ARHGAP6: variants seen among roughly 807,000 people sequenced by gnomAD.
ARHGAP6 encodes the protein rho GTPase-activating protein 6.
A neutral mutation model predicts 55.7 loss-of-function variants in ARHGAP6; 16 were observed. The observed-to-expected ratio is 0.29, with a 90% confidence interval of 0.19 to 0.44. The LOEUF is 0.44. ARHGAP6 is among the 20% of genes least tolerant of loss of function. The pLI is 1.00. For synonymous variants in ARHGAP6, 382 were observed against 360.9 expected, an observed-to-expected ratio of 1.06 and a Z score of -0.66; for missense variants, 698 against 808.9, an observed-to-expected ratio of 0.86 and a Z score of 1.66.
intron 1 of ARHGAP6, among the ~76,000 whole-genome samples, chrX:11,275,180 T>G (rs1256074146): frequency 1.8e-5 from 2 of 112,014 alleles, no homozygotes; most frequent in Non-Finnish European, 3.8e-5. Context: ...TGTGTATCTA[T>G]ATGTATCTCT....
At chrX:11,491,506 T>G (rs1195274519) in intron 1 of ARHGAP6, among the ~76,000 whole-genome samples, 1 of 111,548 alleles carries the variant, frequency 9.0e-6, no homozygotes, top group Non-Finnish European at 1.9e-5. Flanking sequence ...GAATGATGAT[T>G]TCCAATTTCA....
At chrX:11,182,173 G>A in intron 5 of ARHGAP6, 55 bp from the exon 6 acceptor site, 2 of 1,064,983 alleles carry the variant, frequency 1.9e-6, no homozygotes, top group East Asian at 3.1e-5. Context: ...AGACCCTGGA[G>A]GAAATCAAAA....
intron 1 of ARHGAP6, among the ~76,000 whole-genome samples, chrX:11,319,953 A>G (rs771624489): frequency 5.3e-4 from 59 of 111,959 alleles, no homozygotes; most frequent in African/African-American, 1.6e-3. Flanking sequence ...GCTGGGGGGG[A>G]AAATATCACA....
At chrX:11,258,068 C>T (rs899426716) in intron 1 of ARHGAP6, among the ~76,000 whole-genome samples, 1 of 111,360 alleles carries the variant, frequency 9.0e-6, no homozygotes, top group Non-Finnish European at 1.9e-5. Flanking sequence ...CAATGCAAAC[C>T]AGATTAGATT....
chrX:11,442,079 G>A (rs1477720386), intron 1 of ARHGAP6, among the ~76,000 whole-genome samples: 4 of 111,254 alleles, frequency 3.6e-5, no homozygotes, highest in Non-Finnish European at 7.5e-5. Flanking sequence ...TGAATATCTA[G>A]CTTTACAGTT....
intron 1 of ARHGAP6, among the ~76,000 whole-genome samples, chrX:11,549,278 C>A (rs751991656): frequency 1.1e-4 from 12 of 111,705 alleles, no homozygotes; most frequent in African/African-American, 3.6e-4. Context: ...CAAAAACAGG[C>A]TAAGGGAACT....
At chrX:11,372,206 T>G (rs1208650858) in intron 1 of ARHGAP6, among the ~76,000 whole-genome samples, 1 of 112,116 alleles carries the variant, frequency 8.9e-6, no homozygotes, top group Non-Finnish European at 1.9e-5. Flanking sequence ...TCTAGATGTG[T>G]CATTATAATC....
intron 1 of ARHGAP6, among the ~76,000 whole-genome samples, chrX:11,589,166 T>G (rs2051773286): frequency 9.3e-6 from 1 of 107,833 alleles, no homozygotes; most frequent in Admixed American, 1.0e-4. Flanking sequence ...CTCAGCTTCC[T>G]GAGTAGCTGG....
At chrX:11,400,572 C>T (rs2049536965) in intron 1 of ARHGAP6, among the ~76,000 whole-genome samples, 1 of 107,397 alleles carries the variant, frequency 9.3e-6, no homozygotes, top group Non-Finnish European at 1.9e-5. Flanking sequence ...CAGTTCAAGG[C>T]AGCCAATATG....
At chrX:11,351,353 T>C (rs1176030783) in intron 1 of ARHGAP6, 1 of 964,084 alleles carries the variant, frequency 1.0e-6, no homozygotes, top group South Asian at 2.0e-5. Flanking sequence ...ATCATATAAC[T>C]AAATACACGT....
chrX:11,561,968 G>T (rs1162630963), intron 1 of ARHGAP6, among the ~76,000 whole-genome samples: 1 of 112,226 alleles, frequency 8.9e-6, no homozygotes, highest in Non-Finnish European at 1.9e-5. Context: ...TACCACAGAA[G>T]CTGCTGGGGC....
At chrX:11,546,757 C>G (rs1482726552) in intron 1 of ARHGAP6, among the ~76,000 whole-genome samples, 1 of 112,138 alleles carries the variant, frequency 8.9e-6, no homozygotes, top group Non-Finnish European at 1.9e-5. Flanking sequence ...CCACTTCAAA[C>G]TCCAAGAAAA....
At chrX:11,324,919 C>T (rs888506915) in intron 1 of ARHGAP6, among the ~76,000 whole-genome samples, 3 of 112,327 alleles carry the variant, frequency 2.7e-5, no homozygotes, top group East Asian at 2.8e-4. Flanking sequence ...ACTGCAGTGG[C>T]GCAATCTCGA....
chrX:11,570,906 A>T (rs939443871), intron 1 of ARHGAP6, among the ~76,000 whole-genome samples: 8 of 111,470 alleles, frequency 7.2e-5, no homozygotes, highest in African/African-American at 2.6e-4. Flanking sequence ...ATGAGGGCTC[A>T]GCCCTAATAA....
chrX:11,163,138 T>A (rs1053182224), intron 9 of ARHGAP6, among the ~76,000 whole-genome samples: 7 of 112,139 alleles, frequency 6.2e-5, no homozygotes, highest in Non-Finnish European at 3.8e-5. Flanking sequence ...GTCTTGTTTA[T>A]CTGGAGACTC....
In ARHGAP6 at chrX:11,651,253, C is replaced by T. The variant is rs749761090; in HGVS notation, c.588+12988G>A. The stretch of plus-strand genomic sequence containing the variant: ...CATCACCCAGGTATTAAGCCTAGTA[C>T]TCATTAGTTATTTTTCCTGATCCTC... On this transcript the variant is annotated intron_variant, in intron 1 of 12. Coordinates refer to ENST00000337414, the MANE Select transcript of ARHGAP6 (RefSeq NM_013427.3). 3.6e-5 allele frequency among the ~76,000 whole-genome samples: 4 copies of T among 111,389 alleles called. No homozygotes were observed. In the East Asian group the frequency reaches 8.5e-4, roughly 24 times the overall value.
chrX:11,357,951 T>C (rs938071645), intron 1 of ARHGAP6, among the ~76,000 whole-genome samples: 2 of 112,021 alleles, frequency 1.8e-5, no homozygotes, highest in Non-Finnish European at 3.8e-5. Context: ...AGTTTTAGTA[T>C]ATTCAGAGTC....
At chrX:11,251,078 T>C (rs1187155591) in intron 2 of ARHGAP6, among the ~76,000 whole-genome samples, 1 of 111,951 alleles carries the variant, frequency 8.9e-6, no homozygotes, top group African/African-American at 3.3e-5. Context: ...TCCCAGCTAC[T>C]AACCTCAAAC....
Position 11,139,206 on chromosome X carries a change from C to T in ARHGAP6, c.2582G>A (p.Ser861Asn). 8.3e-7 allele frequency: 1 copy of T among 1,202,417 alleles called. No individual in the cohort carries two copies. The highest frequency in any genetic ancestry group is 1.8e-5 in the South Asian group (1 of 55,814). Reference sequence around the variant, plus strand: ...TCTTTGGCACTGAGGTGTGGCCCGGCTCTGCAGCCCGGCCACATCCAGCTC... The same window carrying T: ...TCTTTGGCACTGAGGTGTGGCCCGGTTCTGCAGCCCGGCCACATCCAGCTC... Reference protein sequence around the residue: ...ESELDVAGLQSRATPQCQRPH... With the variant: ...ESELDVAGLQNRATPQCQRPH... Residue 861 changes from serine (S) to asparagine (N), a missense_variant, in exon 13 of 13, where the codon AGC becomes AAC. Coordinates refer to ENST00000337414, the MANE Select transcript of ARHGAP6 (RefSeq NM_013427.3).
Sources: allele counts gnomAD v4.1 joint callset (sites outside exome capture counted in the v4.1 genomes callset), GRCh38; gene constraint gnomAD v4.1.1; transcripts MANE v1.5; gene names NCBI Gene and HGNC (gene_info 2026-07-23, HGNC 2026-07-21).